NUDT3: variants seen among roughly 807,000 people sequenced by gnomAD.
NUDT3 encodes nudix hydrolase 3, also known as diphosphoinositol polyphosphate phosphohydrolase 1.
A neutral mutation model predicts 23.6 loss-of-function variants in NUDT3; 9 were observed. That is an observed-to-expected ratio of 0.38 (90% CI 0.23 to 0.66). The LOEUF (loss-of-function observed/expected upper bound fraction) is 0.66. Among genes scored for constraint, NUDT3 ranks in the 30% least tolerant of loss-of-function variants. The pLI, the probability that NUDT3 is intolerant of heterozygous loss-of-function variation, is 0.52. For synonymous variants in NUDT3, 86 were observed against 82.6 expected, an observed-to-expected ratio of 1.04 and a Z score of -0.22; for missense variants, 172 against 218.5, an observed-to-expected ratio of 0.79 and a Z score of 1.34.
chr6:34,292,353 C>G (rs1763435851), intron 4 of NUDT3, among the ~76,000 whole-genome samples: 1 of 152,186 alleles, frequency 6.6e-6, no homozygotes, highest in Non-Finnish European at 1.5e-5. Flanking sequence ...TAAATTTTAT[C>G]TGTCTGCCAA....
chr6:34,380,057 G>A (rs1052030957), intron 1 of NUDT3, among the ~76,000 whole-genome samples: 1 of 151,768 alleles, frequency 6.6e-6, no homozygotes, highest in African/African-American at 2.4e-5. Flanking sequence ...CTTTTATGCA[G>A]TAAAGTACTA....
intron 1 of NUDT3, among the ~76,000 whole-genome samples, chr6:34,370,551 G>A (rs959447634): frequency 6.6e-6 from 1 of 152,108 alleles, no homozygotes; most frequent in African/African-American, 2.4e-5. Context: ...CAGGATGTGG[G>A]GTCAGCCAAA....
At chr6:34,357,761 G>A (rs1442732416) in intron 1 of NUDT3, among the ~76,000 whole-genome samples, 1 of 152,078 alleles carries the variant, frequency 6.6e-6, no homozygotes, top group Non-Finnish European at 1.5e-5. Flanking sequence ...ATAGATTTCA[G>A]AAAAAACTGT....
At chr6:34,364,877 C>T (rs1461401086) in intron 1 of NUDT3, among the ~76,000 whole-genome samples, 3 of 151,752 alleles carry the variant, frequency 2.0e-5, no homozygotes, top group Non-Finnish European at 2.9e-5. Context: ...AAGAATTAGC[C>T]GGGCGCGGTG....
intron 1 of NUDT3, among the ~76,000 whole-genome samples, chr6:34,387,413 TTG>T (rs1326074215): frequency 6.6e-6 from 1 of 152,120 alleles, no homozygotes; most frequent in Non-Finnish European, 1.5e-5. Context: ...TAATGTGTGT[TTG>T]TGTCTTTGTT....
At chr6:34,346,011 C>T (rs1016379297) in intron 1 of NUDT3, among the ~76,000 whole-genome samples, 4 of 152,028 alleles carry the variant, frequency 2.6e-5, no homozygotes, top group Non-Finnish European at 5.9e-5. Flanking sequence ...TCAGGTCATC[C>T]GCCCGCCTTG....
chr6:34,337,042 A>C (rs1440554430), intron 2 of NUDT3, among the ~76,000 whole-genome samples: 6 of 152,200 alleles, frequency 3.9e-5, no homozygotes, highest in Non-Finnish European at 8.8e-5. Context: ...TGTTGATAAA[A>C]CTGGAAAATC....
Position 34,350,957 on chromosome 6 carries a change from C to T in NUDT3, c.100-8985G>A, listed in dbSNP as rs527425799. ...CAATATGAAAAGGTTTCCACAGATA[C>T]AAACTATTACACAGATATCGGCGCC... On this transcript the variant is annotated intron_variant, in intron 1 of 4. Coordinates refer to ENST00000607016, the MANE Select transcript of NUDT3 (RefSeq NM_006703.4). 2.8e-4 allele frequency among the ~76,000 whole-genome samples: 42 copies of T among 150,300 alleles called. No individual in the cohort carries two copies. The South Asian group carries it at 6.3e-3, about 22-fold the overall frequency.
chr6:34,369,417 G>A (rs1764793166), intron 1 of NUDT3, among the ~76,000 whole-genome samples: 1 of 152,118 alleles, frequency 6.6e-6, no homozygotes, highest in African/African-American at 2.4e-5. Flanking sequence ...AAAGTTCAAA[G>A]GCAAAAATTC....
intron 1 of NUDT3, among the ~76,000 whole-genome samples, chr6:34,342,791 G>A (rs752051779): frequency 8.5e-5 from 13 of 152,156 alleles, no homozygotes; most frequent in Non-Finnish European, 1.9e-4. Context: ...TTCTGATGAT[G>A]ACCTGTGAGC....
At chr6:34,342,778 A>T (rs545243118) in intron 1 of NUDT3, among the ~76,000 whole-genome samples, 33 of 152,300 alleles carry the variant, frequency 2.2e-4, no homozygotes, top group Non-Finnish European at 3.8e-4. Flanking sequence ...CTAAACCATT[A>T]CTTTCTGATG....
intron 1 of NUDT3, among the ~76,000 whole-genome samples, chr6:34,343,678 T>C (rs1252777170): frequency 6.6e-6 from 1 of 152,102 alleles, no homozygotes; most frequent in Non-Finnish European, 1.5e-5. Context: ...GATCTTGAAT[T>C]TGGCAAGATA....
At chr6:34,348,244 T>A (rs1764410364) in intron 1 of NUDT3, among the ~76,000 whole-genome samples, 1 of 150,964 alleles carries the variant, frequency 6.6e-6, no homozygotes, top group South Asian at 2.1e-4. Flanking sequence ...CAAGATTACA[T>A]GACTGCATTC....
intron 1 of NUDT3, among the ~76,000 whole-genome samples, chr6:34,367,698 A>G (rs953184341): frequency 6.6e-6 from 1 of 152,144 alleles, no homozygotes; most frequent in African/African-American, 2.4e-5. Flanking sequence ...TTATACATAC[A>G]TTGGCTTTCT....
At chr6:34,338,802 G>A (rs1433130942) in intron 2 of NUDT3, among the ~76,000 whole-genome samples, 2 of 152,228 alleles carry the variant, frequency 1.3e-5, no homozygotes, top group African/African-American at 4.8e-5. Context: ...CAGCCAGGCA[G>A]AGGAGAATGT....
rs942297392 is a variant in NUDT3, at chr6:34,350,717, AG to A, written c.100-8746del. Among the ~76,000 whole-genome samples the A allele has an allele frequency of 8.6e-5, 13 of 150,726 alleles. 1 individual carries two copies. The highest frequency in any genetic ancestry group is 3.2e-4 in the African/African-American group (13 of 40,480). On this transcript the variant is annotated intron_variant, in intron 1 of 4. Coordinates refer to ENST00000607016, the MANE Select transcript of NUDT3 (RefSeq NM_006703.4). ...TTAAAACTATTTTTTTTAGCTACAG[AG>A]GAACTAAAAAAAATGCTAAAAGGAG...
At chr6:34,344,986 C>T (rs1581878854) in intron 1 of NUDT3, among the ~76,000 whole-genome samples, 1 of 152,012 alleles carries the variant, frequency 6.6e-6, no homozygotes, top group Admixed American at 6.6e-5. Flanking sequence ...TGGTATGTTA[C>T]ATGAATTCCA....
chr6:34,359,234 G>A (rs1394606185), intron 1 of NUDT3, among the ~76,000 whole-genome samples: 1 of 152,124 alleles, frequency 6.6e-6, no homozygotes, highest in African/African-American at 2.4e-5. Flanking sequence ...TTAGCCGGGT[G>A]TGGTGGCGGG....
In NUDT3 at chr6:34,342,505, G is replaced by T. The variant is rs534193772; in HGVS notation, c.100-533C>A. On this transcript the variant is annotated intron_variant, in intron 1 of 4. Transcript: ENST00000607016. The stretch of plus-strand genomic sequence containing the variant: ...TACAATACACCACCCTAGACTCTAA[G>T]GGACCCTAATTCTCTTGGCCACATG... Among the ~76,000 whole-genome samples the T allele has an allele frequency of 3.9e-5, 6 of 152,218 alleles. No individual in the cohort carries two copies. The East Asian group carries it at 9.7e-4, about 24-fold the overall frequency.
Sources: gnomAD v4.1 joint callset for allele counts (sites outside exome capture counted in the v4.1 genomes callset) on GRCh38, gnomAD v4.1.1 for gene constraint, MANE v1.5 for transcripts, NCBI Gene and HGNC (gene_info 2026-07-23, HGNC 2026-07-21) for gene names.